The following CFAP144 variants were observed in gnomAD, a reference collection of about 807,000 sequenced individuals.
CFAP144 encodes the protein cilia- and flagella-associated protein 144.
the CFAP144 span, among the ~76,000 whole-genome samples, chr1:43,148,559 C>T: frequency 1.3e-5 from 2 of 152,142 alleles, no homozygotes; most frequent in African/African-American, 4.8e-5. Flanking sequence ...CCAGCTTCCC[C>T]TGAATGCCAC....
the CFAP144 span, chr1:43,150,700 A>G: frequency 9.6e-6 from 14 of 1,455,176 alleles, no homozygotes; most frequent in African/African-American, 4.2e-5. Context: ...GGTGGACCTT[A>G]GAGAGGGCAG....
the CFAP144 span, among the ~76,000 whole-genome samples, chr1:43,145,871 T>C: frequency 6.6e-6 from 1 of 152,228 alleles, no homozygotes; most frequent in Non-Finnish European, 1.5e-5. Flanking sequence ...GTAGTGCTGT[T>C]GCAAGCTTAG....
chr1:43,145,202 A>C, the CFAP144 span: 1 of 1,477,546 alleles, frequency 6.8e-7, no homozygotes, highest in East Asian at 2.5e-5. Context: ...TTCTCCACGG[A>C]ACTTGGTCTG....
the CFAP144 span, among the ~76,000 whole-genome samples, chr1:43,149,035 C>T: frequency 1.3e-5 from 2 of 152,068 alleles, no homozygotes; most frequent in Non-Finnish European, 2.9e-5. Flanking sequence ...TAGTCCTTGC[C>T]GCCTGGATTG....
the CFAP144 span, among the ~76,000 whole-genome samples, chr1:43,154,283 TA>T: frequency 2.8e-5 from 4 of 145,146 alleles, no homozygotes; most frequent in Admixed American, 6.9e-5. Context: ...TTATATAAAA[TA>T]AAAATATATA....
the CFAP144 span, chr1:43,150,642 T>C: frequency 1.1e-5 from 9 of 815,554 alleles, no homozygotes; most frequent in East Asian, 2.4e-4. Flanking sequence ...GGATAATACC[T>C]GGCATGTACC....
the CFAP144 span, among the ~76,000 whole-genome samples, chr1:43,152,326 C>T: frequency 6.6e-6 from 1 of 152,214 alleles, no homozygotes; most frequent in East Asian, 1.9e-4. Flanking sequence ...GCCAAACTCG[C>T]TCATGCCTCA....
the CFAP144 span, chr1:43,152,663 T>C: frequency 6.2e-6 from 4 of 649,652 alleles, no homozygotes; most frequent in African/African-American, 7.3e-5. Flanking sequence ...ACATATTTGT[T>C]GAAAGATGAG....
chr1:43,155,788 T>C, the CFAP144 span, among the ~76,000 whole-genome samples: 1 of 152,238 alleles, frequency 6.6e-6, no homozygotes, highest in Non-Finnish European at 1.5e-5. Flanking sequence ...ATTCAGCCTC[T>C]CATCTCCTGG....
chr1:43,145,035 G>A, the CFAP144 span: 159 of 560,836 alleles, frequency 2.8e-4, no homozygotes, highest in Non-Finnish European at 4.1e-4. Context: ...TCCATGACCA[G>A]ATCCTGGTTA....
the CFAP144 span, chr1:43,152,832 G>C: frequency 1.2e-6 from 2 of 1,608,646 alleles, no homozygotes; most frequent in Admixed American, 1.7e-5. Context: ...TCCCAGCCAG[G>C]TTTCTGAATC....
the CFAP144 span, among the ~76,000 whole-genome samples, chr1:43,145,474 G>A: frequency 1.3e-5 from 2 of 152,080 alleles, no homozygotes; most frequent in African/African-American, 4.8e-5. Context: ...AGGACGTTCT[G>A]CCCTTGAGAA....
the CFAP144 span, chr1:43,152,973 C>A: frequency 6.3e-7 from 1 of 1,580,120 alleles, no homozygotes; most frequent in South Asian, 1.2e-5. Context: ...GGAAACACAG[C>A]AGCAATGTAA....
the CFAP144 span, chr1:43,153,018 T>C: frequency 1.3e-6 from 2 of 1,497,126 alleles, no homozygotes; most frequent in Admixed American, 2.0e-5. Flanking sequence ...GGGCCAGACA[T>C]GCCTGGGCTT....
the CFAP144 span, chr1:43,148,184 AC>A: frequency 7.7e-7 from 1 of 1,291,488 alleles, no homozygotes; most frequent in Non-Finnish European, 1.1e-6. Flanking sequence ...CCCAGCAAAA[AC>A]TCTTTCCCCA....
At chr1:43,148,321 AGTT>A in the CFAP144 span, among the ~76,000 whole-genome samples, 5 of 152,264 alleles carry the variant, frequency 3.3e-5, no homozygotes, top group Admixed American at 2.6e-4. Context: ...GAAAAAAAAA[AGTT>A]GTAGGGCTTT....
At chr1:43,143,759 A>T in the CFAP144 span, among the ~76,000 whole-genome samples, 1 of 152,230 alleles carries the variant, frequency 6.6e-6, no homozygotes, top group Admixed American at 6.5e-5. Flanking sequence ...CCAAGATGGT[A>T]CGCTCCAAAA....
chr1:43,147,998 A>T, the CFAP144 span: 6 of 1,613,956 alleles, frequency 3.7e-6, no homozygotes, highest in Non-Finnish European at 5.1e-6. Flanking sequence ...GAGGTCCATC[A>T]GAACCAGATC....
At chr1:43,149,474 G>A in the CFAP144 span, among the ~76,000 whole-genome samples, 2 of 152,188 alleles carry the variant, frequency 1.3e-5, no homozygotes, top group Non-Finnish European at 2.9e-5. Context: ...TGCCTAATAT[G>A]TAAAGTCCAC....
Sources: gnomAD v4.1 joint callset for allele counts (sites outside exome capture counted in the v4.1 genomes callset) on GRCh38, gnomAD v4.1.1 for gene constraint, MANE v1.5 for transcripts, NCBI Gene and HGNC (gene_info 2026-07-23, HGNC 2026-07-21) for gene names.